The following PHF24 variants were observed in gnomAD, a reference collection of about 807,000 sequenced individuals.
PHF24 encodes Galpha inhibitory interacting protein.
In PHF24, 25 loss-of-function variants were observed where a neutral mutation model predicts 42.6. That is an observed-to-expected ratio of 0.59 (90% CI 0.43 to 0.82). PHF24 has a LOEUF of 0.82. PHF24 is among the 40% of genes least tolerant of loss of function. The probability of loss-of-function intolerance (pLI) is 0.00; values close to 1 mark genes in which losing one functional copy is unlikely to be tolerated. For synonymous variants in PHF24, 185 were observed against 204.8 expected, an observed-to-expected ratio of 0.90 and a Z score of 0.83; for missense variants, 470 against 538.1, an observed-to-expected ratio of 0.87 and a Z score of 1.25.
At chr9:34,815,105 G>A in the PHF24 span, among the ~76,000 whole-genome samples, 1 of 152,158 alleles carries the variant, frequency 6.6e-6, no homozygotes, top group African/African-American at 2.4e-5. Flanking sequence ...AAGCACTGCA[G>A]CTGCATATCT....
exon 8 of PHF24, chr9:34,982,310 A>G (rs375838555): frequency 2.0e-5 from 3 of 152,184 alleles, no homozygotes; most frequent in African/African-American, 7.2e-5. Flanking sequence ...GGACTCTGAG[A>G]ACACTTGAGC....
chr9:34,865,456 C>T, the PHF24 span, among the ~76,000 whole-genome samples: 1 of 151,684 alleles, frequency 6.6e-6, no homozygotes, highest in East Asian at 1.9e-4. Flanking sequence ...CCCAGCCACT[C>T]GGGAGGCTGA....
chr9:34,824,099 A>C, the PHF24 span, among the ~76,000 whole-genome samples: 1 of 152,186 alleles, frequency 6.6e-6, no homozygotes, highest in South Asian at 2.1e-4. Context: ...TTTCCAGGGC[A>C]GGAGATGCTC....
chr9:34,970,299 T>C (rs910070363), intron 1 of PHF24, among the ~76,000 whole-genome samples: 1 of 152,206 alleles, frequency 6.6e-6, no homozygotes, highest in South Asian at 2.1e-4. Context: ...CTTTTTAACC[T>C]GTAAAGGATA....
chr9:34,729,234 T>G, the PHF24 span: 1 of 1,524,558 alleles, frequency 6.6e-7, no homozygotes, highest in South Asian at 1.3e-5. Context: ...TAAGAACTTA[T>G]AGGCTTCTTA....
chr9:34,768,655 C>G, the PHF24 span, among the ~76,000 whole-genome samples: 1 of 152,210 alleles, frequency 6.6e-6, no homozygotes, highest in African/African-American at 2.4e-5. Context: ...TGACAAAACA[C>G]AAACCTAAGG....
At chr9:34,675,788 G>C in the PHF24 span, among the ~76,000 whole-genome samples, 1 of 152,124 alleles carries the variant, frequency 6.6e-6, no homozygotes, top group Admixed American at 6.5e-5. Context: ...AGGGCCCCTG[G>C]ATGTAAAGCT....
chr9:34,763,463 T>C, the PHF24 span, among the ~76,000 whole-genome samples: 1 of 152,282 alleles, frequency 6.6e-6, no homozygotes, highest in East Asian at 1.9e-4. Flanking sequence ...GAAGCAATTG[T>C]GAATGGGAGT....
the PHF24 span, among the ~76,000 whole-genome samples, chr9:34,807,688 A>C: frequency 5.3e-5 from 8 of 152,216 alleles, no homozygotes; most frequent in Non-Finnish European, 8.8e-5. Flanking sequence ...AATAAGTGAT[A>C]GGAAGCCATA....
upstream of PHF24, among the ~76,000 whole-genome samples, chr9:34,954,074 C>T (rs1369893803): frequency 6.6e-6 from 1 of 152,140 alleles, no homozygotes; most frequent in Non-Finnish European, 1.5e-5. Flanking sequence ...CTTAGGGAGG[C>T]AGAGGCAGGA....
chr9:34,855,477 G>A, the PHF24 span, among the ~76,000 whole-genome samples: 5 of 152,162 alleles, frequency 3.3e-5, no homozygotes, highest in Non-Finnish European at 4.4e-5. Context: ...TGGTGGTGAC[G>A]AATTCCCTTA....
At chr9:34,851,890 T>C in the PHF24 span, among the ~76,000 whole-genome samples, 1 of 152,260 alleles carries the variant, frequency 6.6e-6, no homozygotes, top group Admixed American at 6.5e-5. Context: ...ATATAAATGA[T>C]TTACATACCA....
the PHF24 span, among the ~76,000 whole-genome samples, chr9:34,776,265 C>T: frequency 6.6e-6 from 1 of 152,172 alleles, no homozygotes; most frequent in Non-Finnish European, 1.5e-5. Context: ...AATTCCACAA[C>T]TGGAGAAGTA....
At chr9:34,917,200 TA>T in the PHF24 span, 1 of 1,450,136 alleles carries the variant, frequency 6.9e-7, no homozygotes, top group Non-Finnish European at 9.7e-7. Context: ...TGTTCCCACT[TA>T]AATAAAGGCA....
At chr9:34,962,461 C>T (rs1275441419) in intron 1 of PHF24, among the ~76,000 whole-genome samples, 1 of 151,894 alleles carries the variant, frequency 6.6e-6, no homozygotes, top group Non-Finnish European at 1.5e-5. Flanking sequence ...GCCCCCTGCA[C>T]ACGCACATAC....
At chr9:34,919,931 A>G in the PHF24 span, among the ~76,000 whole-genome samples, 2 of 152,016 alleles carry the variant, frequency 1.3e-5, no homozygotes, top group Admixed American at 6.6e-5. Context: ...ATGTGCCAAC[A>G]TTTTCTTTAT....
At chr9:34,745,365 T>C in the PHF24 span, among the ~76,000 whole-genome samples, 1 of 152,172 alleles carries the variant, frequency 6.6e-6, no homozygotes, top group South Asian at 2.1e-4. Flanking sequence ...CTTCATTTTA[T>C]AGGCTAGCTG....
chr9:34,721,814 A>T, the PHF24 span, among the ~76,000 whole-genome samples: 3 of 152,124 alleles, frequency 2.0e-5, no homozygotes, highest in Non-Finnish European at 4.4e-5. Flanking sequence ...GCTAAATCTA[A>T]CACGCCTCAT....
chr9:34,717,940 G>A, the PHF24 span, among the ~76,000 whole-genome samples: 2 of 152,180 alleles, frequency 1.3e-5, no homozygotes, highest in Non-Finnish European at 2.9e-5. Context: ...GTTGACTTTT[G>A]TCTTTTTCTG....
Sources: gnomAD v4.1 joint callset for allele counts (sites outside exome capture counted in the v4.1 genomes callset) on GRCh38, gnomAD v4.1.1 for gene constraint, MANE v1.5 for transcripts, NCBI Gene and HGNC (gene_info 2026-07-23, HGNC 2026-07-21) for gene names.